PRR14L: variants seen among roughly 807,000 people sequenced by gnomAD.
The protein encoded by PRR14L is proline rich 14 like.
A neutral mutation model predicts 155.0 loss-of-function variants in PRR14L; 80 were observed. That is an observed-to-expected ratio of 0.52 (90% CI 0.43 to 0.62). The LOEUF is 0.62. PRR14L is among the 20% of genes least tolerant of loss of function. PRR14L has a pLI of 0.00. For synonymous variants in PRR14L, 883 were observed against 916.0 expected, an observed-to-expected ratio of 0.96 and a Z score of 0.65; for missense variants, 2,469 against 2,548.0, an observed-to-expected ratio of 0.97 and a Z score of 0.67.
chr22:31,714,167 G>A lies in PRR14L; in HGVS notation c.3672C>T (p.Cys1224=). The A allele has an allele frequency of 1.9e-6, 3 of 1,551,582 alleles. No individual in the cohort carries two copies. The highest frequency in any genetic ancestry group is 2.0e-5 in the Admixed American group (1 of 50,982). ...FGISSKESMS[C]HDESSVSLRS... is the part of the protein sequence containing the mutation. ...TTAGGGAAACAGAGCTTTCATCATGGCAAGACATCGACTCTTTTGAGGAAA... is the reference window on the plus strand; with the variant it reads ...TTAGGGAAACAGAGCTTTCATCATGACAAGACATCGACTCTTTTGAGGAAA... The change falls in exon 4 of 9, where the codon TGC becomes TGT. Residue 1224 remains cysteine (C), a synonymous_variant. Transcript: ENST00000327423.
In PRR14L at chr22:31,716,618, A is replaced by G; in HGVS notation, c.1221T>C (p.Ser407=). 1 of 1,551,796 alleles carries G rather than the reference A, an allele frequency of 6.4e-7. No individual in the cohort carries two copies. Among genetic ancestry groups the G allele is most frequent in the Non-Finnish European group, 8.7e-7 (1 of 1,146,990 alleles). Residue 407 remains serine (S), a synonymous_variant, in exon 4 of 9, where the codon AGT becomes AGC. Transcript: ENST00000327423. The stretch of plus-strand genomic sequence containing the variant: ...TAAAAAGAAAAGGTCCACCTCTTTC[A>G]CTCCTAGGAATCAAAAGCCGTTCCT... ...ENEERLLIPR[S]ERGGPFLFNA... is the part of the protein sequence containing the mutation.
intron 1 of PRR14L, among the ~76,000 whole-genome samples, 193 bp downstream of exon 1, chr22:31,749,800 C>G (rs1455389623): frequency 2.0e-5 from 3 of 152,234 alleles, no homozygotes; most frequent in Non-Finnish European, 4.4e-5. Context: ...TTTTCTCTAG[C>G]GACGCGGGGC....
Position 31,716,026 on chromosome 22 carries a change from A to C in PRR14L, c.1813T>G (p.Tyr605Asp). ...ALLLPSPEFD[Y>D]RPESEKVIQT... ...ATAACTTTTTCTGACTCAGGTCTGT[A>C]ATCAAATTCTGGGGATGGTAGCAAC... Residue 605 changes from tyrosine to aspartate, a missense_variant, in exon 4 of 9, where the codon TAC (tyrosine) becomes GAC (aspartate). Physicochemically the swap from Tyr to Asp is radical, Grantham distance 160. Coordinates refer to ENST00000327423, the MANE Select transcript of PRR14L (RefSeq NM_173566.3). 1 of 1,550,756 alleles carries C rather than the reference A, an allele frequency of 6.4e-7. No homozygotes were observed. Among genetic ancestry groups the C allele is most frequent in the Non-Finnish European group, 8.7e-7 (1 of 1,146,884 alleles).
intron 7 of PRR14L, among the ~76,000 whole-genome samples, chr22:31,701,446 C>T (rs1428672940): frequency 3.3e-5 from 5 of 152,172 alleles, no homozygotes; most frequent in Non-Finnish European, 5.9e-5. Flanking sequence ...AACACAGGTT[C>T]ATTTGGAGGG....
At position 31,712,927 on chromosome 22, in the gene PRR14L, G is replaced by T; in HGVS notation, c.4912C>A (p.Arg1638=). The T allele has an allele frequency of 6.4e-7, 1 of 1,551,826 alleles. No individual in the cohort carries two copies. The change falls in exon 4 of 9, where the codon CGA becomes AGA. Residue 1638 remains arginine (R), a synonymous_variant. Coordinates refer to ENST00000327423, the MANE Select transcript of PRR14L (RefSeq NM_173566.3). ...PAMKTQKLRY[R]RCSSELLPMA... Reference sequence around the variant, plus strand: ...GGAAGAAGTTCAGAGGAACACCGTCGGTATCTTAGCTTCTGAGTCTTCATG... The same window carrying T: ...GGAAGAAGTTCAGAGGAACACCGTCTGTATCTTAGCTTCTGAGTCTTCATG...
rs1314737206 is a variant in PRR14L at position 31,712,253 on chromosome 22, C to A, written c.5586G>T (p.Gly1862=). The change falls in exon 4 of 9, where the codon GGG becomes GGT. Residue 1862 remains glycine, a synonymous_variant. Coordinates refer to ENST00000327423, the MANE Select transcript of PRR14L (RefSeq NM_173566.3). ...CTGCTATGGAGGCTGGAGACCGTAA[C>A]CCTTTCAGGCCCTGTGTAAACTGGG... ...FMTQFTQGLK[G]LRSPASIADK... 3 of 1,614,190 alleles carry A rather than the reference C, an allele frequency of 1.9e-6. No individual in the cohort carries two copies. In the South Asian group the frequency reaches 3.3e-5, roughly 18 times the overall value.
chr22:31,688,948 T>C (rs562315659), intron 7 of PRR14L, among the ~76,000 whole-genome samples: 23 of 150,178 alleles, frequency 1.5e-4, no homozygotes, highest in African/African-American at 5.5e-4. Context: ...CACCTATCAA[T>C]TATACAGTAA....
At chr22:31,699,650 T>A (rs979892543) in intron 7 of PRR14L, among the ~76,000 whole-genome samples, 1 of 152,264 alleles carries the variant, frequency 6.6e-6, no homozygotes, top group African/African-American at 2.4e-5. Context: ...TTAAGACTTT[T>A]AGAAATATAC....
Position 31,716,746 on chromosome 22 carries a change from C to G in PRR14L, c.1093G>C (p.Glu365Gln). The G allele has an allele frequency of 6.4e-7, 1 of 1,551,882 alleles. No homozygotes were observed. The highest frequency in any genetic ancestry group is 1.2e-5 in the South Asian group (1 of 84,056). ...RTISLENCGF[E>Q]GGGLLKRSAE... is the part of the protein sequence containing the mutation. ...GATCTCTTTAGCAAACCACCACCTT[C>G]AAAACCACAGTTTTCTAAGGATATT... Residue 365 changes from glutamate to glutamine, a missense_variant, in exon 4 of 9, where the codon GAA becomes CAA. Physicochemically the swap from Glu to Gln is conservative, Grantham distance 29 (BLOSUM62 2). Coordinates refer to ENST00000327423, the MANE Select transcript of PRR14L (RefSeq NM_173566.3).
intron 2 of PRR14L, among the ~76,000 whole-genome samples, chr22:31,731,512 G>A (rs2074749705): frequency 7.1e-6 from 1 of 141,404 alleles, no homozygotes; most frequent in African/African-American, 2.7e-5. Flanking sequence ...AGGTTGCAGC[G>A]AGCCAAGATC....
chr22:31,704,636 C>A lies in PRR14L; in HGVS notation c.5828+19G>T. On this transcript the variant is annotated intron_variant, in intron 5 of 8. Transcript: ENST00000327423. ...ACACACGCACACGCGCACACACACG[C>A]TGAGTCTCATGTGCTTACCTCGTCT... The A allele has an allele frequency of 1.9e-6, 3 of 1,608,638 alleles. No individual in the cohort carries two copies. The highest frequency in any genetic ancestry group is 2.6e-6 in the Non-Finnish European group (3 of 1,175,280).
chr22:31,688,925 C>CACACACACAAAAAA (rs1165552534), intron 7 of PRR14L, among the ~76,000 whole-genome samples: 12 of 151,236 alleles, frequency 7.9e-5, no homozygotes, highest in Admixed American at 2.0e-4. Flanking sequence ...CACACACACA[C>CACACACACAAAAAA]AAAAACCCTT....
chr22:31,722,719 C>T (rs1043034309), intron 3 of PRR14L, among the ~76,000 whole-genome samples: 1 of 151,808 alleles, frequency 6.6e-6, no homozygotes, highest in African/African-American at 2.4e-5. Flanking sequence ...TTTTTAGTAG[C>T]GATGGGGTTT....
intron 2 of PRR14L, among the ~76,000 whole-genome samples, chr22:31,731,470 A>G (rs58159362): frequency 0.029 from 4,314 of 146,272 alleles, 198 homozygotes; most frequent in African/African-American, 0.1. Context: ...TGGAAGGCTG[A>G]GGCAGGAGAA....
Position 31,715,358 on chromosome 22 carries a change from T to C in PRR14L, c.2481A>G (p.Ala827=). 2 of 1,552,102 alleles carry C rather than the reference T, an allele frequency of 1.3e-6. No homozygotes were observed. Among genetic ancestry groups the C allele is most frequent in the Non-Finnish European group, 1.7e-6 (2 of 1,147,078 alleles). ...GGCAGCAGTGATCACGGTGCTGAAA[T>C]GCATTTTCATATTTTGTTATCAAAG... ...DNSLITKYEN[A]FQHRDHCCQG... is the part of the protein sequence containing the mutation. Residue 827 remains alanine (A), a synonymous_variant, in exon 4 of 9, where the codon GCA becomes GCG. Coordinates refer to ENST00000327423, the MANE Select transcript of PRR14L (RefSeq NM_173566.3).
intron 8 of PRR14L, among the ~76,000 whole-genome samples, chr22:31,687,515 G>A (rs1475960074): frequency 1.3e-5 from 2 of 150,804 alleles, no homozygotes; most frequent in Non-Finnish European, 3.0e-5. Context: ...CACCATGCCC[G>A]GCTAATTTTT....
At chr22:31,746,314 A>G (rs1232900812) in intron 1 of PRR14L, among the ~76,000 whole-genome samples, 2 of 152,216 alleles carry the variant, frequency 1.3e-5, no homozygotes, top group Non-Finnish European at 1.5e-5. Context: ...AAAACAGCTG[A>G]TAAGTGTATT....
intron 6 of PRR14L, 81 bp from the exon 7 acceptor site, chr22:31,701,843 T>G: frequency 9.3e-7 from 1 of 1,080,688 alleles, no homozygotes; most frequent in Non-Finnish European, 1.4e-6. Context: ...GGTCTCACTC[T>G]GTGGCCCAGG....
intron 1 of PRR14L, among the ~76,000 whole-genome samples, chr22:31,745,843 TAAAAAA>T (rs755650797): frequency 3.0e-5 from 4 of 133,764 alleles, no homozygotes; most frequent in Admixed American, 7.7e-5. Flanking sequence ...AGACTCAGTT[TAAAAAA>T]AAAAAAAAAA....
Sources: gnomAD v4.1 joint callset for allele counts (sites outside exome capture counted in the v4.1 genomes callset) on GRCh38, gnomAD v4.1.1 for gene constraint, MANE v1.5 for transcripts, NCBI Gene and HGNC (gene_info 2026-07-23, HGNC 2026-07-21) for gene names.